The following PLA2R1 variants were observed in gnomAD, a reference collection of about 807,000 sequenced individuals.
The protein encoded by PLA2R1 is phospholipase A2 receptor 1, also known as secretory phospholipase A2 receptor.
A neutral mutation model predicts 195.9 loss-of-function variants in PLA2R1; 158 were observed. The observed-to-expected ratio is 0.81, with a 90% CI of 0.71 to 0.92. PLA2R1 has a LOEUF of 0.92. Ranked by LOEUF, PLA2R1 falls within the 40% of genes least tolerant of loss-of-function variation. The pLI, the probability that PLA2R1 is intolerant of heterozygous loss-of-function variation, is 0.00. For synonymous variants in PLA2R1, 586 were observed against 598.2 expected (o/e 0.98, Z 0.30); for missense variants, 1,626 against 1,764.6 (o/e 0.92, Z 1.41).
intron 3 of PLA2R1, among the ~76,000 whole-genome samples, chr2:160,037,998 C>T (rs2105560831): frequency 6.6e-6 from 1 of 152,282 alleles, no homozygotes; most frequent in East Asian, 1.9e-4. Flanking sequence ...GTCCCTGGCA[C>T]ATAGTAGGTG....
At chr2:160,004,358 C>T (rs1240670981) in intron 11 of PLA2R1, among the ~76,000 whole-genome samples, 1 of 152,152 alleles carries the variant, frequency 6.6e-6, no homozygotes, top group African/African-American at 2.4e-5. Context: ...ATCGGTGGAG[C>T]TTTGCCAACC....
At chr2:159,965,149 C>T (rs978730161) in intron 20 of PLA2R1, among the ~76,000 whole-genome samples, 5 of 152,192 alleles carry the variant, frequency 3.3e-5, no homozygotes, top group African/African-American at 9.6e-5. Context: ...CCTGCATTAA[C>T]ACATCATAAC....
chr2:160,017,637 C>CTAT (rs1692854634), intron 8 of PLA2R1, among the ~76,000 whole-genome samples: 1 of 152,168 alleles, frequency 6.6e-6, no homozygotes, highest in Non-Finnish European at 1.5e-5. Flanking sequence ...TTCTCTAATC[C>CTAT]TATTGAAGGC....
intron 14 of PLA2R1, among the ~76,000 whole-genome samples, chr2:159,977,924 T>C (rs2715919): frequency 0.86 from 130,139 of 151,956 alleles, 55,966 homozygotes; most frequent in African/African-American, 0.92. Context: ...AGCAAGACTC[T>C]GTCTCAAAAA....
intron 20 of PLA2R1, 84 bp from the exon 21 acceptor site, chr2:159,956,711 C>G: frequency 1.3e-6 from 1 of 798,278 alleles, no homozygotes; most frequent in Non-Finnish European, 2.1e-6. Flanking sequence ...TGAATATCAG[C>G]TTTGAAAATT....
rs546939234 is a variant in PLA2R1 at position 159,944,543 on chromosome 2, C to T, written c.4144+363G>A. Among the ~76,000 whole-genome samples the T allele has an allele frequency of 1.4e-3, 212 of 152,232 alleles. 2 individuals carry two copies. The highest frequency in any genetic ancestry group is 2.1e-3 in the Non-Finnish European group (145 of 68,016). ...TATACATAAGCCTAGATTATATTTC[C>T]TGAGGCCAAACATAAACCTTAAAAA... On this transcript the variant is annotated intron_variant, in intron 28 of 29. Transcript: ENST00000283243.
At chr2:159,962,187 A>G (rs971887637) in intron 20 of PLA2R1, among the ~76,000 whole-genome samples, 3 of 152,232 alleles carry the variant, frequency 2.0e-5, no homozygotes, top group African/African-American at 2.4e-5. Context: ...CAAATTTACA[A>G]GAAAAAAACA....
chr2:160,037,149 G>A (rs1047195102), intron 3 of PLA2R1, among the ~76,000 whole-genome samples: 1 of 152,144 alleles, frequency 6.6e-6, no homozygotes, highest in Non-Finnish European at 1.5e-5. Context: ...CACTACTCCT[G>A]GCCCAGACTA....
chr2:160,058,668 G>A (rs1432752000), intron 1 of PLA2R1, among the ~76,000 whole-genome samples: 1 of 152,150 alleles, frequency 6.6e-6, no homozygotes, highest in Non-Finnish European at 1.5e-5. Flanking sequence ...GAGTACTTGA[G>A]TGAGTGAAGT....
downstream of PLA2R1, among the ~76,000 whole-genome samples, chr2:159,930,672 T>C (rs1478753344): frequency 6.6e-6 from 1 of 152,098 alleles, no homozygotes; most frequent in Non-Finnish European, 1.5e-5. Context: ...GGAAATGAAA[T>C]GAAGGAAGTT....
chr2:160,007,166 T>C (rs931793811), intron 10 of PLA2R1, among the ~76,000 whole-genome samples: 6 of 152,208 alleles, frequency 3.9e-5, no homozygotes, highest in Non-Finnish European at 8.8e-5. Flanking sequence ...AAGGAACATA[T>C]AGAAGACTAA....
At chr2:159,995,209 T>C (rs542692614) in intron 11 of PLA2R1, among the ~76,000 whole-genome samples, 1 of 152,204 alleles carries the variant, frequency 6.6e-6, no homozygotes, top group Admixed American at 6.6e-5. Flanking sequence ...TTCAAAAAGA[T>C]TTACATTTTC....
chr2:159,962,025 T>C (rs560166737), intron 20 of PLA2R1, among the ~76,000 whole-genome samples: 1 of 152,064 alleles, frequency 6.6e-6, no homozygotes, highest in African/African-American at 2.4e-5. Context: ...AAAGCCAAAA[T>C]AGACAAATGG....
chr2:160,032,498 T>C (rs571831137), intron 4 of PLA2R1, among the ~76,000 whole-genome samples: 1 of 152,360 alleles, frequency 6.6e-6, no homozygotes, highest in Non-Finnish European at 1.5e-5. Flanking sequence ...TGCTTTTGCT[T>C]TTCCCACTAA....
In PLA2R1 at chr2:159,933,187, CT is replaced by C. The variant is rs530158700; in HGVS notation, c.*8590del. On this transcript the variant is annotated 3_prime_UTR_variant, in exon 30 of 30. Transcript: ENST00000283243. ...CAAAGTGCTCTGCAAGAAACAAGTG[CT>C]TGTGTTAATTAATTCTGAGTAAAGA... 1.3e-5 allele frequency: 2 copies of C among 152,206 alleles called. No homozygotes were observed. Among genetic ancestry groups the C allele is most frequent in the South Asian group, 4.1e-4 (2 of 4,828 alleles). The allele number at this position is 152,206 out of a possible 1,614,324, so 9.4% of individuals were successfully genotyped here. A position where few individuals can be genotyped will look rare whatever the true frequency, so the allele number is the denominator to read the frequency against.
chr2:160,008,741 A>G (rs545197535), intron 10 of PLA2R1, among the ~76,000 whole-genome samples: 1 of 152,360 alleles, frequency 6.6e-6, no homozygotes, highest in East Asian at 1.9e-4. Flanking sequence ...AAAGGACACT[A>G]TCAACAGAAT....
In PLA2R1 at chr2:159,948,642, CAAA is replaced by C. The variant is rs56329076; in HGVS notation, c.3709+963_3709+965del. 6.3e-5 allele frequency among the ~76,000 whole-genome samples: 6 copies of C among 95,844 alleles called. No homozygotes were observed. In the East Asian group the frequency reaches 1.0e-3, roughly 17 times the overall value. The allele number at this position is 95,844 out of a possible 152,430, so 62.9% of individuals were successfully genotyped here. On this transcript the variant is annotated intron_variant, in intron 25 of 29. Transcript: ENST00000283243. The stretch of plus-strand genomic sequence containing the variant: ...GATTCCAAGAAAAGGCAAGTGCTAA[CAAA>C]AAAAAAAAAAAAAAAAAGGAGAAAA...
At chr2:160,028,810 T>C (rs1432910986) in intron 5 of PLA2R1, 40 bp downstream of exon 5, 3 of 1,160,440 alleles carry the variant, frequency 2.6e-6, no homozygotes, top group Non-Finnish European at 3.9e-6. Flanking sequence ...GGGTGCAAGA[T>C]GATGCCACGT....
At position 159,974,182 on chromosome 2, in the gene PLA2R1, T is replaced by G. The variant is rs547783063; in HGVS notation, c.2595+1886A>C. ...TTGGGGAGGATTTTGGAACTAGCTT[T>G]TGATGTAATGAAGACGTTGTGCTCT... is the stretch of plus-strand genomic sequence containing the variant. On this transcript the variant is annotated intron_variant, in intron 17 of 29. Coordinates refer to ENST00000283243, the MANE Select transcript of PLA2R1 (RefSeq NM_007366.5). 2.0e-5 allele frequency among the ~76,000 whole-genome samples: 3 copies of G among 152,276 alleles called. No homozygotes were observed. In the East Asian group the frequency reaches 5.8e-4, roughly 29 times the overall value.
Sources: gnomAD v4.1 joint callset for allele counts (sites outside exome capture counted in the v4.1 genomes callset) on GRCh38, gnomAD v4.1.1 for gene constraint, MANE v1.5 for transcripts, NCBI Gene and HGNC (gene_info 2026-07-23, HGNC 2026-07-21) for gene names.